The following FBXL7 variants were observed in gnomAD, a reference collection of about 807,000 sequenced individuals.
FBXL7 encodes the protein F-box/LRR-repeat protein 7.
Under a neutral mutation model 38.3 loss-of-function variants are expected in FBXL7, and 12 were observed. The ratio of observed to expected loss-of-function variants is 0.31; its 90% confidence interval spans 0.20 to 0.51. The LOEUF (loss-of-function observed/expected upper bound fraction) is 0.51, where lower values mean the gene tolerates loss of function less well. Ranked by LOEUF, FBXL7 falls within the 20% of genes least tolerant of loss-of-function variation. FBXL7 has a pLI of 0.98. For missense variants in FBXL7, 567 were observed against 676.4 expected (o/e 0.84, Z 1.79); for synonymous variants, 297 against 300.9 (o/e 0.99, Z 0.13).
At chr5:15,917,097 A>C (rs1333231200) in intron 2 of FBXL7, among the ~76,000 whole-genome samples, 3 of 152,176 alleles carry the variant, frequency 2.0e-5, no homozygotes, top group African/African-American at 7.2e-5. Context: ...TACAAGCTGC[A>C]CATAGTAGAG....
In FBXL7 at chr5:15,802,517, GCT is replaced by G. The variant is rs369034929; in HGVS notation, c.128-125370_128-125369del. On this transcript the variant is annotated intron_variant, in intron 2 of 3. Coordinates refer to ENST00000504595, the MANE Select transcript of FBXL7 (RefSeq NM_012304.5). ...GCCCCGCCTCAGGACAGTGGCACTG[GCT>G]CTTTTTTCTTGAACACTTTTTCTCC... Among the ~76,000 whole-genome samples, 79 of 152,108 alleles carry G rather than the reference GCT, an allele frequency of 5.2e-4. 1 individual carries two copies. The East Asian group carries it at 0.014, about 26-fold the overall frequency.
chr5:15,794,518 A>G (rs1241169301), intron 2 of FBXL7, among the ~76,000 whole-genome samples: 4 of 152,358 alleles, frequency 2.6e-5, no homozygotes, highest in Non-Finnish European at 5.9e-5. Flanking sequence ...AATTAATAGT[A>G]TCTCCCTTGA....
intron 2 of FBXL7, among the ~76,000 whole-genome samples, chr5:15,629,958 T>C (rs1399119012): frequency 6.6e-6 from 1 of 152,162 alleles, no homozygotes; most frequent in Admixed American, 6.6e-5. Context: ...AAACTTGAGG[T>C]ACATCATGGG....
chr5:15,681,894 C>G lies in FBXL7; in HGVS notation c.127+65822C>G, dbSNP rs74776455. Among the ~76,000 whole-genome samples, 1,172 of 152,172 alleles carry G rather than the reference C, an allele frequency of 7.7e-3. 9 individuals are homozygous for G. Among genetic ancestry groups the G allele is most frequent in the Middle Eastern group, 0.017 (5 of 294 alleles). ...AAGAGTGGAACATAATTGGTGTTACCTAGGCAGGATGACTTTTTACAAGGA... is the reference window on the plus strand; with the variant it reads ...AAGAGTGGAACATAATTGGTGTTACGTAGGCAGGATGACTTTTTACAAGGA... On this transcript the variant is annotated intron_variant, in intron 2 of 3. Transcript: ENST00000504595.
chr5:15,929,024 A>T (rs1579610868), intron 3 of FBXL7, among the ~76,000 whole-genome samples: 1 of 152,214 alleles, frequency 6.6e-6, no homozygotes, highest in East Asian at 1.9e-4. Context: ...ACTCAAGCAC[A>T]GTTAGCTTAG....
At chr5:15,720,210 A>G (rs939775108) in intron 2 of FBXL7, among the ~76,000 whole-genome samples, 1 of 149,106 alleles carries the variant, frequency 6.7e-6, no homozygotes, top group Non-Finnish European at 1.5e-5. Flanking sequence ...TTCTGAGTAT[A>G]GTTGTAATGA....
At chr5:15,674,331 G>A (rs1464484061) in intron 2 of FBXL7, among the ~76,000 whole-genome samples, 1 of 152,202 alleles carries the variant, frequency 6.6e-6, no homozygotes, top group East Asian at 1.9e-4. Flanking sequence ...ATAGAAGTAT[G>A]TAGATGTATG....
At chr5:15,668,323 A>G (rs944206222) in intron 2 of FBXL7, among the ~76,000 whole-genome samples, 8 of 151,128 alleles carry the variant, frequency 5.3e-5, no homozygotes, top group East Asian at 3.9e-4. Context: ...CAAAACCTCT[A>G]TTAGCTTCCT....
At position 15,928,264 on chromosome 5, in the gene FBXL7, C is replaced by T. The variant is rs1437379180; in HGVS notation, c.502C>T (p.Arg168Cys). ...RLTGETINVD[R>C]ALKVLTRRLC... ...GACGGGCGAGACCATCAACGTGGAC[C>T]GCGCCCTCAAGGTGCTGACCCGCAG... The change falls in exon 3 of 4, where the codon CGC becomes TGC. Residue 168 changes from arginine to cysteine, a missense_variant. Arg to Cys is a radical substitution (Grantham distance 180). Transcript: ENST00000504595. The surrounding 1 kb of genome is among the most constrained non-coding windows in gnomAD (Gnocchi z 4.0). 2.8e-5 allele frequency: 45 copies of T among 1,612,318 alleles called. No homozygotes were observed. The highest frequency in any genetic ancestry group is 3.6e-5 in the Non-Finnish European group (42 of 1,179,208).
intron 2 of FBXL7, among the ~76,000 whole-genome samples, chr5:15,638,404 G>T (rs1047762640): frequency 2.0e-5 from 3 of 152,212 alleles, no homozygotes; most frequent in Admixed American, 6.5e-5. Flanking sequence ...GGGATCAGCA[G>T]CATCCCATCC....
chr5:15,566,808 C>A (rs1738587846), intron 1 of FBXL7, among the ~76,000 whole-genome samples: 1 of 152,156 alleles, frequency 6.6e-6, no homozygotes, highest in African/African-American at 2.4e-5. Context: ...TAATGCCTTT[C>A]TGGACCTATT....
chr5:15,532,265 G>A (rs575962109), intron 1 of FBXL7, among the ~76,000 whole-genome samples: 56 of 152,234 alleles, frequency 3.7e-4, no homozygotes, highest in South Asian at 2.1e-4. Flanking sequence ...CTGTAATGGC[G>A]TTCCCATTTT....
chr5:15,835,095 A>G (rs770602280), intron 2 of FBXL7, among the ~76,000 whole-genome samples: 7 of 152,198 alleles, frequency 4.6e-5, no homozygotes, highest in Non-Finnish European at 7.4e-5. Flanking sequence ...ATACACCATT[A>G]GCTTCTTGCC....
chr5:15,882,788 G>C (rs996711112), intron 2 of FBXL7, among the ~76,000 whole-genome samples: 2 of 152,202 alleles, frequency 1.3e-5, no homozygotes, highest in African/African-American at 4.8e-5. Flanking sequence ...GAGGTCTAAT[G>C]ATTGAGTTTG....
At chr5:15,592,905 G>C (rs1739524508) in intron 1 of FBXL7, among the ~76,000 whole-genome samples, 1 of 152,164 alleles carries the variant, frequency 6.6e-6, no homozygotes, top group South Asian at 2.1e-4. Flanking sequence ...AAAAAGAGTA[G>C]TGATGAAAGA....
At chr5:15,774,276 A>G (rs1461394994) in intron 2 of FBXL7, among the ~76,000 whole-genome samples, 49 of 151,972 alleles carry the variant, frequency 3.2e-4, no homozygotes, top group Admixed American at 3.1e-3. Context: ...TTGTGATTAC[A>G]TTGGGTCTAC....
intron 2 of FBXL7, among the ~76,000 whole-genome samples, chr5:15,668,775 G>T (rs1242210127): frequency 6.6e-6 from 1 of 152,156 alleles, no homozygotes; most frequent in Non-Finnish European, 1.5e-5. Context: ...AGGTGCAGCA[G>T]AACTCAGTTC....
intron 2 of FBXL7, among the ~76,000 whole-genome samples, chr5:15,783,886 G>T (rs1473177799): frequency 1.3e-5 from 2 of 152,166 alleles, no homozygotes; most frequent in Non-Finnish European, 2.9e-5. Flanking sequence ...GGGAATGAGG[G>T]CTCTCACAGA....
intron 1 of FBXL7, among the ~76,000 whole-genome samples, chr5:15,593,849 C>T (rs973075281): frequency 6.6e-6 from 1 of 152,108 alleles, no homozygotes; most frequent in African/African-American, 2.4e-5. Flanking sequence ...TATGTAACTA[C>T]GTCTTGGGCA....
Sources: allele counts gnomAD v4.1 joint callset (sites outside exome capture counted in the v4.1 genomes callset), GRCh38; gene constraint gnomAD v4.1.1; non-coding constraint Gnocchi (gnomAD v3.1); transcripts MANE v1.5; gene names NCBI Gene and HGNC (gene_info 2026-07-23, HGNC 2026-07-21).